The following VPS35L variants were observed in gnomAD, a reference collection of about 807,000 sequenced individuals.
VPS35L encodes VPS35 endosomal protein sorting factor like, also known as VPS35 endosomal protein-sorting factor-like.
VPS35L carries 83 observed loss-of-function variants against 133.0 expected under a neutral mutation model. That is an observed-to-expected ratio of 0.62 (90% confidence interval 0.52 to 0.75). VPS35L has a LOEUF of 0.75. VPS35L is among the 30% of genes least tolerant of loss of function. VPS35L has a pLI of 0.00. For missense variants in VPS35L, 1,083 were observed against 1,206.8 expected (o/e 0.90, Z 1.52); for synonymous variants, 423 against 449.9 (o/e 0.94, Z 0.76).
chr16:19,581,189 G>A (rs1189924992), intron 6 of VPS35L, among the ~76,000 whole-genome samples: 2 of 152,122 alleles, frequency 1.3e-5, no homozygotes, highest in Admixed American at 6.6e-5. Context: ...TTGGTTGAAT[G>A]AGGTAAGTCT....
intron 9 of VPS35L, among the ~76,000 whole-genome samples, chr16:19,602,523 C>A (rs924193034): frequency 6.2e-4 from 94 of 152,146 alleles, no homozygotes; most frequent in African/African-American, 2.2e-3. Context: ...CCTCCTCTCT[C>A]TTCCTCTCCC....
At chr16:19,607,892 C>G (rs1972584092) in intron 9 of VPS35L, 3 of 319,046 alleles carry the variant, frequency 9.4e-6, no homozygotes, top group South Asian at 5.6e-5. Context: ...GTGCCTTGGT[C>G]TCTGCATCTG....
rs1973661370 is a variant in VPS35L at position 19,637,602 on chromosome 16, A to C, written c.1644A>C (p.Leu548Phe). The C allele has an allele frequency of 1.3e-6, 2 of 1,554,420 alleles. No homozygotes were observed. Among genetic ancestry groups the C allele is most frequent in the African/African-American group, 1.4e-5 (1 of 72,904 alleles). ...GTTTGTTTGTTTTACAGCTTCAGTT[A>C]ATAATTAAGAAAGTTATTGCCCACT... ...AFEDSYPQLQ[L>F]IIKKVIAHFH... Residue 548 changes from leucine to phenylalanine, a missense_variant, in exon 20 of 31, where the codon TTA (leucine) becomes TTC (phenylalanine). Leu to Phe is a conservative substitution (Grantham distance 22). Coordinates refer to ENST00000417362, the MANE Select transcript of VPS35L (RefSeq NM_020314.7).
intron 26 of VPS35L, among the ~76,000 whole-genome samples, chr16:19,655,687 T>TG (rs1343427834): frequency 6.6e-6 from 1 of 152,212 alleles, no homozygotes; most frequent in African/African-American, 2.4e-5. Context: ...GACTGGATTG[T>TG]GCAGGGATTT....
rs771661595 is a variant in VPS35L at position 19,555,781 on chromosome 16, G to C, written c.17+35G>C. 8.4e-6 allele frequency: 13 copies of C among 1,551,312 alleles called. No homozygotes were observed. In the Admixed American group the frequency reaches 2.5e-4, roughly 30 times the overall value. On this transcript the variant is annotated intron_variant, in intron 1 of 30. Transcript: ENST00000417362. ...CAGCGGCGGGTGGGCTTTGGAGAGG[G>C]GCTGTCCTTACTTGTGATGGGGTCG...
At chr16:19,678,802 A>AT (rs1975154232) in intron 27 of VPS35L, among the ~76,000 whole-genome samples, 2 of 151,976 alleles carry the variant, frequency 1.3e-5, no homozygotes, top group African/African-American at 4.8e-5. Flanking sequence ...AAAAAAAAAA[A>AT]GTTACAACCA....
intron 7 of VPS35L, among the ~76,000 whole-genome samples, chr16:19,591,433 G>T (rs1972038988): frequency 6.6e-6 from 1 of 151,810 alleles, no homozygotes; most frequent in Non-Finnish European, 1.5e-5. Context: ...AGACTGTTAT[G>T]GGCCGGGTGC....
chr16:19,617,506 A>C (rs566566326), intron 14 of VPS35L: 1 of 152,398 alleles, frequency 6.6e-6, no homozygotes, highest in Non-Finnish European at 1.5e-5. Context: ...TCTGTAGAGC[A>C]GGTATTTTAT....
At chr16:19,610,652 T>A (rs923536861) in intron 12 of VPS35L, 12 of 352,654 alleles carry the variant, frequency 3.4e-5, no homozygotes, top group Non-Finnish European at 6.1e-5. Flanking sequence ...TAAGGTCATC[T>A]TCTTACAAAT....
chr16:19,556,681 C>A (rs539716099), intron 1 of VPS35L, among the ~76,000 whole-genome samples: 2 of 152,346 alleles, frequency 1.3e-5, no homozygotes, highest in African/African-American at 4.8e-5. Context: ...TCAGGTACAA[C>A]CTTCTGCTTT....
chr16:19,622,572 A>G (rs180971803), intron 14 of VPS35L, among the ~76,000 whole-genome samples: 73 of 152,232 alleles, frequency 4.8e-4, no homozygotes, highest in Non-Finnish European at 8.8e-4. Flanking sequence ...TGGTTGAAAA[A>G]AATCCGTGTC....
chr16:19,569,221 T>G, intron 2 of VPS35L: 2 of 725,306 alleles, frequency 2.8e-6, no homozygotes, highest in South Asian at 3.0e-5. Context: ...AACCCTAACT[T>G]CCTACTTTCC....
At chr16:19,593,364 C>T (rs546532049) in intron 8 of VPS35L, among the ~76,000 whole-genome samples, 1 of 152,276 alleles carries the variant, frequency 6.6e-6, no homozygotes, top group African/African-American at 2.4e-5. Context: ...GCTCCCAACC[C>T]AGCAAATCTT....
chr16:19,592,843 G>A (rs1174816194), intron 8 of VPS35L, among the ~76,000 whole-genome samples: 5 of 152,024 alleles, frequency 3.3e-5, no homozygotes, highest in East Asian at 3.9e-4. Flanking sequence ...GCACCACCAC[G>A]CCTAGCTAGT....
intron 14 of VPS35L, among the ~76,000 whole-genome samples, chr16:19,620,485 T>C (rs1007688278): frequency 6.6e-6 from 1 of 152,188 alleles, no homozygotes; most frequent in Non-Finnish European, 1.5e-5. Context: ...TCTCTACTGT[T>C]TTTTTCAATT....
chr16:19,577,838 C>A (rs543706851), intron 5 of VPS35L, among the ~76,000 whole-genome samples: 1 of 152,168 alleles, frequency 6.6e-6, no homozygotes, highest in South Asian at 2.1e-4. Context: ...TGAACCCAAC[C>A]GGAAAGCAGG....
At chr16:19,561,546 C>T (rs113740818) in intron 1 of VPS35L, among the ~76,000 whole-genome samples, 329 of 152,154 alleles carry the variant, frequency 2.2e-3, no homozygotes, top group African/African-American at 7.6e-3. Context: ...TTGGGTAAAG[C>T]TGACTAGTTG....
chr16:19,639,963 T>C lies in VPS35L; in HGVS notation c.1699-52T>C. 6.7e-7 allele frequency: 1 copy of C among 1,483,088 alleles called. No homozygotes were observed. Among genetic ancestry groups the C allele is most frequent in the Non-Finnish European group, 9.4e-7 (1 of 1,065,064 alleles). The allele number at this position is 1,483,088 out of a possible 1,614,324, so 91.9% of individuals were successfully genotyped here. On this transcript the variant is annotated intron_variant, in intron 20 of 30. Transcript: ENST00000417362. The surrounding 1 kb of genome is among the most constrained non-coding windows in gnomAD (Gnocchi z 4.1). Reference sequence around the variant, plus strand: ...CAGAAAAAGAGACCCACAGATTCCTTCCTTCCAATAACTTGTGTCATTTGC... The same window carrying C: ...CAGAAAAAGAGACCCACAGATTCCTCCCTTCCAATAACTTGTGTCATTTGC...
In VPS35L at chr16:19,573,157, C is replaced by T. The variant is rs775464952; in HGVS notation, c.324C>T (p.Ser108=). 27 of 1,613,700 alleles carry T rather than the reference C, an allele frequency of 1.7e-5. No homozygotes were observed. Among genetic ancestry groups the T allele is most frequent in the African/African-American group, 6.7e-5 (5 of 74,872 alleles). The change falls in exon 4 of 31, where the codon TCC becomes TCT. Residue 108 remains serine, a synonymous_variant. Transcript: ENST00000417362. ...GGAAACGTGATAGAGATGATAACTC[C>T]GTTGTAGGATCGGATTTTGAGCCTT... The part of the protein sequence containing the change: ...SRRKRDRDDN[S]VVGSDFEPWT...
Sources: allele counts gnomAD v4.1 joint callset (sites outside exome capture counted in the v4.1 genomes callset), GRCh38; gene constraint gnomAD v4.1.1; non-coding constraint Gnocchi (gnomAD v3.1); transcripts MANE v1.5; gene names NCBI Gene and HGNC (gene_info 2026-07-23, HGNC 2026-07-21).